The following DENND2D variants were observed in gnomAD, a reference collection of about 807,000 sequenced individuals.
The protein encoded by DENND2D is DENN domain-containing protein 2D.
A neutral mutation model predicts 59.8 loss-of-function variants in DENND2D; 37 were observed. That is an observed-to-expected ratio of 0.62 (90% CI 0.48 to 0.81). The LOEUF (loss-of-function observed/expected upper bound fraction) is 0.81. DENND2D is among the 40% of genes least tolerant of loss of function. DENND2D has a pLI of 0.00. For synonymous variants in DENND2D, 219 were observed against 211.3 expected (o/e 1.04, Z -0.31); for missense variants, 525 against 579.7 (o/e 0.91, Z 0.97).
intron 6 of DENND2D, 97 bp downstream of exon 6, chr1:111,195,819 G>T: frequency 6.4e-7 from 1 of 1,562,468 alleles, no homozygotes; most frequent in Non-Finnish European, 8.8e-7. Flanking sequence ...CAGTTTCTCT[G>T]TACTTTAACC....
intron 5 of DENND2D, chr1:111,196,798 G>A (rs1571191959): frequency 4.5e-6 from 1 of 223,270 alleles, no homozygotes. Context: ...TTTATAAAGA[G>A]TCTTCTCATA....
At chr1:111,198,499 A>C (rs1374433415) in intron 3 of DENND2D, 131 bp downstream of exon 3, 15 of 870,934 alleles carry the variant, frequency 1.7e-5, no homozygotes, top group Non-Finnish European at 2.5e-5. Context: ...AGATGTTTTC[A>C]AACAAATCAA....
At position 111,198,007 on chromosome 1, in the gene DENND2D, A is replaced by G. The variant is rs765865611; in HGVS notation, c.357-18T>C. ...AGGTCTCCCTAAGAAAGAGCAGACAAGGCTTGATTTGTATTGCTCACTGAA... is the reference window on the plus strand; with the variant it reads ...AGGTCTCCCTAAGAAAGAGCAGACAGGGCTTGATTTGTATTGCTCACTGAA... On this transcript the variant is annotated intron_variant, in intron 3 of 11. Coordinates refer to ENST00000357640, the MANE Select transcript of DENND2D (RefSeq NM_024901.5). The G allele has an allele frequency of 1.2e-6, 2 of 1,612,808 alleles. No individual in the cohort carries two copies. Among genetic ancestry groups the G allele is most frequent in the Non-Finnish European group, 1.7e-6 (2 of 1,179,170 alleles).
At chr1:111,189,077 G>A in intron 9 of DENND2D, 135 bp downstream of exon 9, 2 of 1,013,046 alleles carry the variant, frequency 2.0e-6, no homozygotes, top group Admixed American at 4.5e-5. Context: ...CTCCTTGAGA[G>A]AGATGTGGTC....
intron 8 of DENND2D, 152 bp from the exon 9 acceptor site, chr1:111,189,405 C>T (rs1657522395): frequency 8.2e-6 from 6 of 733,866 alleles, no homozygotes; most frequent in Non-Finnish European, 9.2e-6. Flanking sequence ...CTAGCATTCT[C>T]CTTTCTCACC....
At chr1:111,197,661 C>T in intron 4 of DENND2D, 1 of 1,379,972 alleles carries the variant, frequency 7.2e-7, no homozygotes, top group Non-Finnish European at 9.4e-7. Flanking sequence ...ATAGAGCAGG[C>T]AGGGAGAGGA....
chr1:111,201,869 G>A (rs564963605), upstream of DENND2D, among the ~76,000 whole-genome samples: 1 of 152,346 alleles, frequency 6.6e-6, no homozygotes, highest in Non-Finnish European at 1.5e-5. Context: ...ATGCTGTAAT[G>A]GGTGAGAAGA....
chr1:111,188,411 G>A (rs763996046), intron 10 of DENND2D, 41 bp from the exon 11 acceptor site: 1 of 1,599,878 alleles, frequency 6.3e-7, no homozygotes, highest in Non-Finnish European at 8.5e-7. Flanking sequence ...GTAGCAGAAG[G>A]ATGAAATTAC....
chr1:111,193,343 T>C (rs1440491634), intron 7 of DENND2D, among the ~76,000 whole-genome samples: 2 of 152,102 alleles, frequency 1.3e-5, no homozygotes, highest in Non-Finnish European at 2.9e-5. Context: ...CTGAAGAAAG[T>C]AAACGTCTGA....
At chr1:111,204,029 G>C (rs983671855), upstream of DENND2D, 3 of 434,102 alleles carry the variant, frequency 6.9e-6, no homozygotes, top group Non-Finnish European at 1.2e-5. Context: ...GTGGCCCCGG[G>C]GCCCCACAAC....
chr1:111,187,943 A>G (rs991024380), intron 11 of DENND2D, among the ~76,000 whole-genome samples, 188 bp downstream of exon 11: 13 of 152,372 alleles, frequency 8.5e-5, no homozygotes, highest in East Asian at 7.7e-4. Context: ...GGGTAAACCA[A>G]CTTCCACAAA....
chr1:111,198,102 C>T (rs2101495212), intron 3 of DENND2D, 113 bp from the exon 4 acceptor site: 2 of 987,888 alleles, frequency 2.0e-6, no homozygotes, highest in East Asian at 2.6e-5. Context: ...TGATTAATCA[C>T]AGGAGTAAGG....
In DENND2D at chr1:111,190,639, G is replaced by C. The variant is rs552009525; in HGVS notation, c.973-1386C>G. ...CAGGGCATGTTCCCACCAGTTTACCGTAACTTCCCAAATCATGTATTGGTC... is the reference window on the plus strand; with the variant it reads ...CAGGGCATGTTCCCACCAGTTTACCCTAACTTCCCAAATCATGTATTGGTC... On this transcript the variant is annotated intron_variant, in intron 8 of 11. Transcript: ENST00000357640. Among the ~76,000 whole-genome samples, 22 of 152,294 alleles carry C rather than the reference G, an allele frequency of 1.4e-4. No individual in the cohort carries two copies. The South Asian group carries it at 4.3e-3, about 30-fold the overall frequency.
intron 2 of DENND2D, 123 bp downstream of exon 2, chr1:111,199,500 A>C: frequency 9.1e-7 from 1 of 1,098,800 alleles, no homozygotes; most frequent in Non-Finnish European, 1.3e-6. Flanking sequence ...GTGAGCTCAG[A>C]GCTCAGGGCA....
Position 111,200,553 on chromosome 1 carries a change from G to C in DENND2D, c.-94C>G. 1.3e-6 allele frequency: 2 copies of C among 1,529,404 alleles called. No homozygotes were observed. The highest frequency in any genetic ancestry group is 1.8e-6 in the Non-Finnish European group (2 of 1,134,024). 94.7% of individuals were successfully genotyped at this position (1,529,404 alleles called of 1,614,324 possible). A position where few individuals can be genotyped will look rare whatever the true frequency, so the allele number is the denominator to read the frequency against. ...GAGAAAGGGGCTGCTTCGGTCTCCA[G>C]CCACAACTCTGTGAAGCCAAGCCAC... On this transcript the variant is annotated 5_prime_UTR_variant, in exon 1 of 12. Transcript: ENST00000357640.
At chr1:111,189,854 T>A (rs1345335519) in intron 8 of DENND2D, among the ~76,000 whole-genome samples, 1 of 152,160 alleles carries the variant, frequency 6.6e-6, no homozygotes, top group South Asian at 2.1e-4. Context: ...TGCAACATCT[T>A]ATGTACAATT....
chr1:111,197,310 A>G (rs1053540272), intron 4 of DENND2D, 57 bp from the exon 5 acceptor site: 3 of 1,573,924 alleles, frequency 1.9e-6, no homozygotes, highest in Admixed American at 1.8e-5. Flanking sequence ...GGCTTCTCCC[A>G]ACTGGGTATG....
At chr1:111,197,794 G>A in intron 4 of DENND2D, 126 bp downstream of exon 4, 1 of 1,506,346 alleles carries the variant, frequency 6.6e-7, no homozygotes, top group Non-Finnish European at 8.9e-7. Context: ...GCAGGTCCTG[G>A]GCTGTGCTTT....
At chr1:111,197,724 G>A (rs1658381630) in intron 4 of DENND2D, 196 bp downstream of exon 4, 2 of 1,421,608 alleles carry the variant, frequency 1.4e-6, no homozygotes, top group East Asian at 5.1e-5. Flanking sequence ...GACCAGCAGC[G>A]GGAGAAGGGG....
Sources: gnomAD v4.1 joint callset for allele counts (sites outside exome capture counted in the v4.1 genomes callset) on GRCh38, gnomAD v4.1.1 for gene constraint, MANE v1.5 for transcripts, NCBI Gene and HGNC (gene_info 2026-07-23, HGNC 2026-07-21) for gene names.